CFAP54: variants seen among roughly 807,000 people sequenced by gnomAD.
CFAP54 encodes the protein cilia- and flagella-associated protein 54.
Under a neutral mutation model 370.4 loss-of-function variants are expected in CFAP54, and 290 were observed. That is an observed-to-expected ratio of 0.78 (90% CI 0.71 to 0.86). The LOEUF is 0.86. CFAP54 is among the 40% of genes least tolerant of loss of function. The pLI, the probability that CFAP54 is intolerant of heterozygous loss-of-function variation, is 0.00. For missense variants in CFAP54, 3,399 were observed against 3,528.7 expected, an observed-to-expected ratio of 0.96 and a Z score of 0.93; for synonymous variants, 1,206 against 1,236.5, an observed-to-expected ratio of 0.98 and a Z score of 0.52.
intron 52 of CFAP54, 117 bp from the exon 53 acceptor site, chr12:96,743,285 T>C: frequency 1.0e-6 from 1 of 966,558 alleles, no homozygotes; most frequent in East Asian, 2.6e-5. Context: ...CATCTTAATA[T>C]ACTCCCCTGT....
intron 9 of CFAP54, among the ~76,000 whole-genome samples, chr12:96,533,246 G>A (rs1009065091): frequency 1.3e-5 from 2 of 151,968 alleles, no homozygotes; most frequent in African/African-American, 4.8e-5. Flanking sequence ...GACTATAGGT[G>A]CACGCCAATA....
At chr12:96,591,912 T>A (rs963448047) in intron 23 of CFAP54, among the ~76,000 whole-genome samples, 3 of 88,734 alleles carry the variant, frequency 3.4e-5, no homozygotes, top group African/African-American at 5.1e-5. Flanking sequence ...AAAGAAATAT[T>A]TTTTTTTTTT....
At chr12:96,850,543 C>G (rs1959511781) in intron 66 of CFAP54, among the ~76,000 whole-genome samples, 1 of 152,080 alleles carries the variant, frequency 6.6e-6, no homozygotes, top group South Asian at 2.1e-4. Flanking sequence ...TTCTGAGAGC[C>G]TGTCTTCCTA....
intron 50 of CFAP54, among the ~76,000 whole-genome samples, chr12:96,721,783 T>C (rs1957756944): frequency 6.6e-6 from 1 of 152,178 alleles, no homozygotes. Context: ...AACAATATTG[T>C]GCAAAATCTT....
intron 1 of CFAP54, among the ~76,000 whole-genome samples, chr12:96,495,009 G>A (rs1287028684): frequency 6.6e-6 from 1 of 152,234 alleles, no homozygotes; most frequent in Non-Finnish European, 1.5e-5. Flanking sequence ...ACAGGCGTGA[G>A]CCACTGCGCC....
chr12:96,600,971 A>T (rs546163501), intron 26 of CFAP54, among the ~76,000 whole-genome samples: 2 of 152,138 alleles, frequency 1.3e-5, no homozygotes, highest in Non-Finnish European at 2.9e-5. Flanking sequence ...TACCCGATTG[A>T]CCTGGCCAGA....
At position 96,811,723 on chromosome 12, in the gene CFAP54, A is replaced by G. The variant is rs1406818643; in HGVS notation, c.8851-13A>G. The G allele has an allele frequency of 7.2e-7, 1 of 1,381,546 alleles. No individual in the cohort carries two copies. Among genetic ancestry groups the G allele is most frequent in the Non-Finnish European group, 9.6e-7 (1 of 1,039,468 alleles). 85.6% of individuals were successfully genotyped at this position (1,381,546 alleles called of 1,614,324 possible). A position where few individuals can be genotyped will look rare whatever the true frequency, so the allele number is the denominator to read the frequency against. On this transcript the variant is annotated splice_polypyrimidine_tract_variant and intron_variant, in intron 63 of 67. Transcript: ENST00000524981. ...TGATGTCACATTTTATACCCCTTTT[A>G]TTTTTCTTATAGGTTTTATTGTTGT...
At chr12:96,754,945 T>C (rs1958235938) in intron 56 of CFAP54, among the ~76,000 whole-genome samples, 1 of 152,152 alleles carries the variant, frequency 6.6e-6, no homozygotes, top group South Asian at 2.1e-4. Context: ...GGTTTCACTA[T>C]GTTGGCCAGG....
chr12:96,661,738 G>A (rs1034020903), intron 38 of CFAP54, among the ~76,000 whole-genome samples: 2 of 152,112 alleles, frequency 1.3e-5, no homozygotes, highest in Admixed American at 6.5e-5. Flanking sequence ...ATTGACTAAC[G>A]GGGGTGAATT....
At chr12:96,563,749 T>G (rs1273063258) in intron 17 of CFAP54, among the ~76,000 whole-genome samples, 1 of 152,244 alleles carries the variant, frequency 6.6e-6, no homozygotes, top group Non-Finnish European at 1.5e-5. Flanking sequence ...AAGGTTACTA[T>G]AGCTACCCTC....
At chr12:96,713,744 A>G (rs185204923) in intron 48 of CFAP54, among the ~76,000 whole-genome samples, 21 of 152,210 alleles carry the variant, frequency 1.4e-4, no homozygotes, top group Admixed American at 1.2e-3. Flanking sequence ...TAATAAACAG[A>G]TGATACTTGA....
intron 66 of CFAP54, 39 bp from the exon 67 acceptor site, chr12:96,860,780 A>G: frequency 6.7e-7 from 1 of 1,490,224 alleles, no homozygotes; most frequent in Non-Finnish European, 8.9e-7. Flanking sequence ...AACAGTTTGA[A>G]ACAATGCATT....
intron 26 of CFAP54, among the ~76,000 whole-genome samples, chr12:96,620,283 A>G (rs1956471001): frequency 6.6e-6 from 1 of 152,196 alleles, no homozygotes; most frequent in East Asian, 1.9e-4. Context: ...TGTAGCTCCT[A>G]TAATTCCCAC....
intron 63 of CFAP54, among the ~76,000 whole-genome samples, chr12:96,796,382 A>G (rs74733595): frequency 6.6e-6 from 1 of 152,194 alleles, no homozygotes; most frequent in East Asian, 1.9e-4. Context: ...ATTGATAAAT[A>G]TATTGTGTTT....
Position 96,535,616 on chromosome 12 carries a change from TA to T in CFAP54, c.1791+19del. The T allele has an allele frequency of 2.0e-6, 3 of 1,508,128 alleles. No individual in the cohort carries two copies. Among genetic ancestry groups the T allele is most frequent in the Non-Finnish European group, 2.7e-6 (3 of 1,125,392 alleles). The allele number at this position is 1,508,128 out of a possible 1,614,324, so 93.4% of individuals were successfully genotyped here. ...TGCTCCCCAGGTGAAATAGCTATTT[TA>T]AATAATTTTTATTAGTGTGGAAGGA... On this transcript the variant is annotated intron_variant, in intron 12 of 67. Transcript: ENST00000524981.
At position 96,705,415 on chromosome 12, in the gene CFAP54, T is replaced by G. The variant is rs564156374; in HGVS notation, c.6528+619T>G. Among the ~76,000 whole-genome samples the G allele has an allele frequency of 5.9e-5, 9 of 152,258 alleles. No individual in the cohort carries two copies. In the East Asian group the frequency reaches 1.5e-3, roughly 26 times the overall value. ...TCACTTTTAATTATCCTTCAGATGA[T>G]TCATTGTTTTTTTTTTCCTAAAAAT... On this transcript the variant is annotated intron_variant, in intron 47 of 67. Coordinates refer to ENST00000524981, the MANE Select transcript of CFAP54 (RefSeq NM_001306084.2).
chr12:96,841,203 C>CA (rs1959212350), intron 66 of CFAP54, among the ~76,000 whole-genome samples: 1 of 152,212 alleles, frequency 6.6e-6, no homozygotes, highest in East Asian at 1.9e-4. Context: ...GAAGTATATG[C>CA]ACTCCTTGAT....
Position 96,589,583 on chromosome 12 carries a change from T to C in CFAP54, c.3212+20T>C. 1 of 1,327,988 alleles carries C rather than the reference T, an allele frequency of 7.5e-7. No homozygotes were observed. Among genetic ancestry groups the C allele is most frequent in the Non-Finnish European group, 1.0e-6 (1 of 971,734 alleles). The allele number at this position is 1,327,988 out of a possible 1,614,324, so 82.3% of individuals were successfully genotyped here. On this transcript the variant is annotated intron_variant, in intron 23 of 67. Coordinates refer to ENST00000524981, the MANE Select transcript of CFAP54 (RefSeq NM_001306084.2). ...AAGAAGGTAATTAGAAATATTCTTCTAAAATATTAATTTGCTTATTGAAAA... is the reference window on the plus strand; with the variant it reads ...AAGAAGGTAATTAGAAATATTCTTCCAAAATATTAATTTGCTTATTGAAAA...
chr12:96,556,239 G>GA (rs895369895), intron 17 of CFAP54, among the ~76,000 whole-genome samples: 2 of 148,030 alleles, frequency 1.4e-5, no homozygotes, highest in African/African-American at 5.0e-5. Flanking sequence ...GATCCTAAAA[G>GA]AAAAAAATGA....
Sources: allele counts gnomAD v4.1 joint callset (sites outside exome capture counted in the v4.1 genomes callset), GRCh38; gene constraint gnomAD v4.1.1; transcripts MANE v1.5; gene names NCBI Gene and HGNC (gene_info 2026-07-23, HGNC 2026-07-21).